Variants in CPNE8 observed in about 807,000 individuals in gnomAD.
The protein encoded by CPNE8 is copine-8.
In CPNE8, 45 loss-of-function variants were observed where a neutral mutation model predicts 81.5. The ratio of observed to expected loss-of-function variants is 0.55; its 90% CI spans 0.44 to 0.71. The LOEUF (loss-of-function observed/expected upper bound fraction) is 0.71, where lower values mean the gene tolerates loss of function less well. Among genes scored for constraint, CPNE8 ranks in the 30% least tolerant of loss-of-function variants. The probability of loss-of-function intolerance (pLI) is 0.00; values close to 1 mark genes in which losing one functional copy is unlikely to be tolerated. For synonymous variants in CPNE8, 252 were observed against 226.3 expected (o/e 1.11, Z -1.02); for missense variants, 594 against 672.1 (o/e 0.88, Z 1.28).
intron 3 of CPNE8, among the ~76,000 whole-genome samples, chr12:38,860,542 T>A (rs1396347917): frequency 6.9e-6 from 1 of 144,080 alleles, no homozygotes; most frequent in Non-Finnish European, 1.5e-5. Flanking sequence ...GGTCCAGCAA[T>A]CCCACTTTTG....
chr12:38,681,813 T>C (rs556642587), intron 16 of CPNE8, among the ~76,000 whole-genome samples: 1 of 152,334 alleles, frequency 6.6e-6, no homozygotes, highest in South Asian at 2.1e-4. Context: ...TCTATGTCCA[T>C]GTCTATATGT....
In CPNE8 at chr12:38,653,503, A is replaced by C. The variant is rs1938746839; in HGVS notation, c.*379T>G. 1 of 160,844 alleles carries C rather than the reference A, an allele frequency of 6.2e-6. No homozygotes were observed. The highest frequency in any genetic ancestry group is 1.4e-5 in the Non-Finnish European group (1 of 73,812). 10.0% of individuals were successfully genotyped at this position (160,844 alleles called of 1,614,324 possible). On this transcript the variant is annotated 3_prime_UTR_variant, in exon 20 of 20. Coordinates refer to ENST00000331366, the MANE Select transcript of CPNE8 (RefSeq NM_153634.3). ...GAAATTTAAAAAGTAGTAACATGTA[A>C]ACATTGATACAGAGACTGCTTTCCT... is the stretch of plus-strand genomic sequence containing the variant.
chr12:38,803,763 A>C (rs61937807), intron 6 of CPNE8, among the ~76,000 whole-genome samples: 8 of 126,428 alleles, frequency 6.3e-5, no homozygotes, highest in African/African-American at 2.0e-4. Context: ...GAAAACCCCA[A>C]CGTCTCAGCC....
intron 10 of CPNE8, among the ~76,000 whole-genome samples, chr12:38,744,593 C>G (rs946318646): frequency 1.3e-5 from 2 of 152,042 alleles, no homozygotes; most frequent in Non-Finnish European, 2.9e-5. Flanking sequence ...TAACACTGGC[C>G]CTACTACCCA....
chr12:38,764,063 C>T (rs557263538), intron 8 of CPNE8, among the ~76,000 whole-genome samples: 1 of 152,244 alleles, frequency 6.6e-6, no homozygotes, highest in East Asian at 1.9e-4. Context: ...TCTAAGGAAA[C>T]TCGTGTCATT....
chr12:38,807,293 A>G (rs1292780143), intron 6 of CPNE8, among the ~76,000 whole-genome samples: 2 of 147,714 alleles, frequency 1.4e-5, no homozygotes, highest in African/African-American at 4.9e-5. Flanking sequence ...CGCATCGCCA[A>G]GTCAATCCTA....
chr12:38,892,462 C>G (rs935081886), intron 1 of CPNE8, among the ~76,000 whole-genome samples: 1 of 152,080 alleles, frequency 6.6e-6, no homozygotes, highest in South Asian at 2.1e-4. Context: ...AGAGTGGAGA[C>G]AGCAGAAATG....
intron 13 of CPNE8, among the ~76,000 whole-genome samples, chr12:38,716,368 T>C (rs1484093120): frequency 6.6e-6 from 1 of 152,042 alleles, no homozygotes; most frequent in African/African-American, 2.4e-5. Flanking sequence ...AGAACAAATC[T>C]GGAGGCATCA....
At chr12:38,793,184 T>G (rs1233834603) in intron 6 of CPNE8, among the ~76,000 whole-genome samples, 1 of 142,912 alleles carries the variant, frequency 7.0e-6, no homozygotes, top group Non-Finnish European at 1.5e-5. Context: ...ATGCCCACTC[T>G]CCCACTTCTA....
chr12:38,693,559 G>T, intron 15 of CPNE8, 98 bp downstream of exon 15: 1 of 1,048,174 alleles, frequency 9.5e-7, no homozygotes, highest in Non-Finnish European at 1.4e-6. Context: ...AGTCAGTAAA[G>T]CTTGCTACTT....
At chr12:38,749,929 T>C (rs1178583957) in intron 10 of CPNE8, among the ~76,000 whole-genome samples, 1 of 152,010 alleles carries the variant, frequency 6.6e-6, no homozygotes, top group African/African-American at 2.4e-5. Flanking sequence ...CCCAAGACAA[T>C]GGGGAAAATG....
chr12:38,797,478 A>T (rs79490585), intron 6 of CPNE8, among the ~76,000 whole-genome samples: 1 of 152,152 alleles, frequency 6.6e-6, no homozygotes, highest in Non-Finnish European at 1.5e-5. Flanking sequence ...ACAGACCTGC[A>T]GCTGAGGGTC....
At chr12:38,745,363 A>G (rs1016500094) in intron 10 of CPNE8, among the ~76,000 whole-genome samples, 1 of 152,210 alleles carries the variant, frequency 6.6e-6, no homozygotes, top group Non-Finnish European at 1.5e-5. Flanking sequence ...TCTCTCAGGA[A>G]ACATCCATGC....
At chr12:38,707,130 A>G (rs573687521) in intron 13 of CPNE8, among the ~76,000 whole-genome samples, 1 of 152,246 alleles carries the variant, frequency 6.6e-6, no homozygotes, top group South Asian at 2.1e-4. Flanking sequence ...CCTGGGCAAC[A>G]TACTGAGACC....
chr12:38,730,309 C>T lies in CPNE8; in HGVS notation c.772G>A (p.Gly258Arg). 1 of 1,598,314 alleles carries T rather than the reference C, an allele frequency of 6.3e-7. No homozygotes were observed. Among genetic ancestry groups the T allele is most frequent in the Non-Finnish European group, 8.6e-7 (1 of 1,167,356 alleles). The part of the protein sequence containing the change: ...FTTSYRELSR[G>R]QSQFNVYEVV... ...TCATATACGTTGAATTGTGACTGCC[C>T]TCTAGAAAGTTCCCTATAGCTTGTT... Residue 258 changes from glycine to arginine, a missense_variant, in exon 11 of 20, where the codon GGG becomes AGG. Gly to Arg is a moderately radical substitution (Grantham distance 125). Coordinates refer to ENST00000331366, the MANE Select transcript of CPNE8 (RefSeq NM_153634.3).
intron 7 of CPNE8, among the ~76,000 whole-genome samples, chr12:38,774,397 T>A (rs1480660334): frequency 1.3e-5 from 2 of 152,130 alleles, no homozygotes; most frequent in Non-Finnish European, 2.9e-5. Context: ...TTTGAAACAT[T>A]TACAAATTGA....
chr12:38,700,418 T>G (rs1219296221), intron 14 of CPNE8, among the ~76,000 whole-genome samples: 1 of 152,006 alleles, frequency 6.6e-6, no homozygotes, highest in African/African-American at 2.4e-5. Context: ...TTTTGTATTT[T>G]AGTAGAGACG....
chr12:38,799,101 G>A (rs545374212), intron 6 of CPNE8, among the ~76,000 whole-genome samples: 2 of 152,186 alleles, frequency 1.3e-5, no homozygotes, highest in Non-Finnish European at 1.5e-5. Context: ...ATAATAATGG[G>A]AGACTTTAAC....
intron 19 of CPNE8, among the ~76,000 whole-genome samples, chr12:38,664,376 A>G (rs1383626739): frequency 6.6e-6 from 1 of 152,118 alleles, no homozygotes; most frequent in East Asian, 1.9e-4. Context: ...TATGAAAGCC[A>G]TCATTATCAT....
Sources: gnomAD v4.1 joint callset for allele counts (sites outside exome capture counted in the v4.1 genomes callset) on GRCh38, gnomAD v4.1.1 for gene constraint, MANE v1.5 for transcripts, NCBI Gene and HGNC (gene_info 2026-07-23, HGNC 2026-07-21) for gene names.